GRIN1: variants seen among roughly 807,000 people sequenced by gnomAD.
The protein encoded by GRIN1 is glutamate receptor ionotropic, NMDA 1.
In GRIN1, 38 loss-of-function variants were observed where a neutral mutation model predicts 103.0. The observed-to-expected ratio is 0.37, with a 90% CI of 0.28 to 0.48. The LOEUF (loss-of-function observed/expected upper bound fraction) is 0.48, where lower values mean the gene tolerates loss of function less well. GRIN1 is among the 20% of genes least tolerant of loss of function. GRIN1 has a pLI of 0.98. For synonymous variants in GRIN1, 544 were observed against 532.7 expected, an observed-to-expected ratio of 1.02 and a Z score of -0.29; for missense variants, 577 against 1,288.9, an observed-to-expected ratio of 0.45 and a Z score of 8.46.
chr9:137,163,055 A>G, intron 15 of GRIN1, 52 bp downstream of exon 15: 2 of 1,309,758 alleles, frequency 1.5e-6, no homozygotes, highest in South Asian at 2.5e-5. Context: ...GGGGAGGGGG[A>G]GGGTGGCCTC....
In GRIN1 at chr9:137,139,509, C is replaced by A. The variant is rs1324864352; in HGVS notation, c.23C>A (p.Thr8Lys). 1 of 1,600,168 alleles carries A rather than the reference C, an allele frequency of 6.2e-7. No individual in the cohort carries two copies. The highest frequency in any genetic ancestry group is 8.5e-7 in the Non-Finnish European group (1 of 1,173,340). ...CCCATGAGCACCATGCGCCTGCTGA[C>A]GCTCGCCCTGCTGTTCTCCTGCTCC... MSTMRLL[T>K]LALLFSCSVA... is the part of the protein sequence containing the mutation. The change falls in exon 1 of 20, where the codon ACG becomes AAG. Residue 8 changes from threonine (T) to lysine (K), a missense_variant. Thr to Lys is a moderately conservative substitution (Grantham distance 78). Coordinates refer to ENST00000371561, the MANE Select transcript of GRIN1 (RefSeq NM_007327.4). The surrounding 1 kb of genome is among the most constrained non-coding windows in gnomAD (Gnocchi z 7.7).
intron 9 of GRIN1, 21 bp from the exon 10 acceptor site, chr9:137,161,268 T>A: frequency 6.2e-7 from 1 of 1,611,386 alleles, no homozygotes. Context: ...AGCCCAGCAG[T>A]TACCGCCCGC....
In GRIN1 at chr9:137,162,682, G is replaced by A; in HGVS notation, c.1956G>A (p.Ala652=). The change falls in exon 14 of 20, where the codon GCG becomes GCA. Residue 652 remains alanine (A), a synonymous_variant. Coordinates refer to ENST00000371561, the MANE Select transcript of GRIN1 (RefSeq NM_007327.4). The part of the protein sequence containing the change: ...IIVASYTANL[A]AFLVLDRPEE... The stretch of plus-strand genomic sequence containing the variant: ...TGGCCTCCTACACCGCCAACCTGGC[G>A]GCCTTCCTGGTGCTGGACCGGCCGG... The A allele has an allele frequency of 6.2e-7, 1 of 1,610,660 alleles. No homozygotes were observed. The highest frequency in any genetic ancestry group is 8.5e-7 in the Non-Finnish European group (1 of 1,178,916).
chr9:137,142,534 C>G (rs1325714404), intron 2 of GRIN1, among the ~76,000 whole-genome samples: 1 of 152,198 alleles, frequency 6.6e-6, no homozygotes, highest in Non-Finnish European at 1.5e-5. Flanking sequence ...CTCACCCTCC[C>G]CACACATGAA....
chr9:137,156,522 C>T lies in GRIN1; in HGVS notation c.672-147C>T, dbSNP rs117627988. 5,121 of 1,165,454 alleles carry T rather than the reference C, an allele frequency of 4.4e-3. 114 individuals carry two copies. Among genetic ancestry groups the T allele is most frequent in the East Asian group, 0.04 (1,536 of 38,764 alleles). The allele number at this position is 1,165,454 out of a possible 1,614,324, so 72.2% of individuals were successfully genotyped here. ...TGGGAGGCTCCTGGGTTCTGGGCCG[C>T]AGCGCCTCTGCGAGGTCTGCAGGCT... On this transcript the variant is annotated intron_variant, in intron 4 of 19. Coordinates refer to ENST00000371561, the MANE Select transcript of GRIN1 (RefSeq NM_007327.4).
chr9:137,156,683 C>G lies in GRIN1; in HGVS notation c.686C>G (p.Ala229Gly), dbSNP rs2131271397. Residue 229 changes from alanine to glycine, a missense_variant, in exon 5 of 20, where the codon GCC (alanine) becomes GGC (glycine). Transcript: ENST00000371561. The part of the protein sequence containing the change: ...IILSASEDDA[A>G]TVYRAAAMLN... ...CTGCCCCACAGCGAGGACGATGCTG[C>G]CACTGTATACCGCGCAGCCGCGATG... 1 of 1,599,662 alleles carries G rather than the reference C, an allele frequency of 6.3e-7. No individual in the cohort carries two copies. The highest frequency in any genetic ancestry group is 8.5e-7 in the Non-Finnish European group (1 of 1,174,400).
chr9:137,148,240 AC>A, intron 3 of GRIN1: 17 of 1,505,174 alleles, frequency 1.1e-5, no homozygotes, highest in Non-Finnish European at 1.5e-5. Context: ...CGTGCACGCC[AC>A]CCACGGCTAG....
At chr9:137,164,664 C>T (rs760176826) in intron 18 of GRIN1, 32 of 184,810 alleles carry the variant, frequency 1.7e-4, no homozygotes, top group East Asian at 1.6e-3. Flanking sequence ...GGGACCTGGC[C>T]GCTGCCAGCA....
Position 137,156,654 on chromosome 9 carries a change from C to T in GRIN1, c.672-15C>T. 6.3e-7 allele frequency: 1 copy of T among 1,599,282 alleles called. No individual in the cohort carries two copies. Among genetic ancestry groups the T allele is most frequent in the African/African-American group, 1.3e-5 (1 of 74,790 alleles). On this transcript the variant is annotated splice_polypyrimidine_tract_variant and intron_variant, in intron 4 of 19. Transcript: ENST00000371561. ...GTGCTGGAGTCCTGGCCCGTCATCC[C>T]CGTCTGCCCCACAGCGAGGACGATG... is the stretch of plus-strand genomic sequence containing the variant.
intron 8 of GRIN1, among the ~76,000 whole-genome samples, chr9:137,160,399 G>A (rs1278949943): frequency 2.6e-5 from 4 of 152,098 alleles, no homozygotes; most frequent in Non-Finnish European, 4.4e-5. Context: ...TGGCATACAC[G>A]GGACATCAGC....
At chr9:137,141,979 T>C in intron 1 of GRIN1, 34 bp from the exon 2 acceptor site, 1 of 1,613,646 alleles carries the variant, frequency 6.2e-7, no homozygotes, top group South Asian at 1.1e-5. Flanking sequence ...GGCTCACCCC[T>C]GACTCAAGCT....
chr9:137,167,491 C>T lies in GRIN1; in HGVS notation c.2781C>T (p.Gly927=), dbSNP rs1201716248. 1 of 1,557,508 alleles carries T rather than the reference C, an allele frequency of 6.4e-7. No individual in the cohort carries two copies. The highest frequency in any genetic ancestry group is 2.4e-5 in the East Asian group (1 of 42,216). The change falls in exon 20 of 20, where the codon GGC becomes GGT. Residue 927 remains glycine, a synonymous_variant. Transcript: ENST00000371561. ...LPRRAIEREE[G]QLQLCSRHRE... is the part of the protein sequence containing the mutation. ...GACGCGCTATTGAGAGGGAGGAGGG[C>T]CAGCTGCAGCTGTGTTCCCGTCATA... is the stretch of plus-strand genomic sequence containing the variant.
rs1209065518 is a variant in GRIN1 at position 137,163,309 on chromosome 9, AC to A, written c.2313del (p.Asn771LysfsTer50). ...GMRKDSPWKQ[N>X]VSLSILKSHE... ...CGCAAAGACAGCCCCTGGAAGCAGA[AC>A]GTCTCCCTGTCCATCCTCAAGTGAG... On this transcript the variant is annotated frameshift_variant, in exon 16 of 20. Coordinates refer to ENST00000371561, the MANE Select transcript of GRIN1 (RefSeq NM_007327.4). LOFTEE classifies it high-confidence loss of function. The A allele has an allele frequency of 6.2e-7, 1 of 1,613,544 alleles. No individual in the cohort carries two copies. Among genetic ancestry groups the A allele is most frequent in the Non-Finnish European group, 8.5e-7 (1 of 1,179,944 alleles).
In GRIN1 at chr9:137,161,140, G is replaced by A; in HGVS notation, c.1282G>A (p.Gly428Ser). Residue 428 changes from glycine to serine, a missense_variant, in exon 9 of 20, where the codon GGC (glycine) becomes AGC (serine). Physicochemically the swap from Gly to Ser is moderately conservative, Grantham distance 56. This residue lies in a region of GRIN1 where 96 missense variants were observed against 145.0 expected (regional missense o/e 0.66). Transcript: ENST00000371561. Reference sequence around the variant, plus strand: ...ATGCAAGGAGGAGTTCACAGTCAACGGCGACCCAGTCAAGAAGGTGATCTG... The same window carrying A: ...ATGCAAGGAGGAGTTCACAGTCAACAGCGACCCAGTCAAGAAGGTGATCTG... The part of the protein sequence containing the change: ...GTCKEEFTVN[G>S]DPVKKVICTG... 3 of 1,612,640 alleles carry A rather than the reference G, an allele frequency of 1.9e-6. No homozygotes were observed. The highest frequency in any genetic ancestry group is 8.5e-7 in the Non-Finnish European group (1 of 1,179,818).
At chr9:137,165,035 C>T (rs370339312) in intron 18 of GRIN1, 151 bp from the exon 19 acceptor site, 20 of 717,900 alleles carry the variant, frequency 2.8e-5, no homozygotes, top group South Asian at 5.9e-5. Context: ...CTCGAACGTC[C>T]GCTGTCGGCC....
intron 18 of GRIN1, 72 bp from the exon 19 acceptor site, chr9:137,165,114 C>A: frequency 9.2e-7 from 1 of 1,089,216 alleles, no homozygotes; most frequent in Non-Finnish European, 1.4e-6. Context: ...GGCAGCGGCC[C>A]ATGCAGGAGC....
intron 8 of GRIN1, among the ~76,000 whole-genome samples, chr9:137,160,118 T>C (rs1180307193): frequency 6.6e-6 from 1 of 151,048 alleles, no homozygotes; most frequent in Non-Finnish European, 1.5e-5. Context: ...CAAGCAGGAG[T>C]GTGGGTCGAA....
At chr9:137,141,913 A>T in intron 1 of GRIN1, 100 bp from the exon 2 acceptor site, 1 of 1,260,022 alleles carries the variant, frequency 7.9e-7, no homozygotes, top group Non-Finnish European at 1.2e-6. Flanking sequence ...AGCCCCCCTT[A>T]GCCTGCTGGG....
Position 137,156,961 on chromosome 9 carries a change from AAGG to A in GRIN1, c.895_897del (p.Glu299del). On this transcript the variant is annotated inframe_deletion, in exon 6 of 20. Transcript: ENST00000371561. ...CCAGGCCGTGCACGAGCTCCTCGAG[AAGG>A]AGAACATCACCGACCCGCCGCGGGG... The A allele has an allele frequency of 6.2e-7, 1 of 1,612,228 alleles. No individual in the cohort carries two copies.
Sources: allele counts gnomAD v4.1 joint callset (sites outside exome capture counted in the v4.1 genomes callset), GRCh38; gene constraint gnomAD v4.1.1; regional missense constraint gnomAD v4.1.1; non-coding constraint Gnocchi (gnomAD v3.1); transcripts MANE v1.5; gene names NCBI Gene and HGNC (gene_info 2026-07-23, HGNC 2026-07-21).